MRE11: variants seen among roughly 807,000 people sequenced by gnomAD.
MRE11 encodes double-strand break repair protein MRE11.
In MRE11, 62 loss-of-function variants were observed where a neutral mutation model predicts 91.7. The observed-to-expected ratio is 0.68, with a 90% confidence interval of 0.55 to 0.84. MRE11 has a LOEUF of 0.84. Among genes scored for constraint, MRE11 ranks in the 40% least tolerant of loss-of-function variants. The pLI is 0.00. For missense variants in MRE11, 796 were observed against 852.9 expected, an observed-to-expected ratio of 0.93 and a Z score of 0.83; for synonymous variants, 273 against 271.4, an observed-to-expected ratio of 1.01 and a Z score of -0.06.
intron 12 of MRE11, 114 bp downstream of exon 12, chr11:94,460,822 C>T: frequency 1.1e-6 from 1 of 886,978 alleles, no homozygotes; most frequent in Non-Finnish European, 1.8e-6. Flanking sequence ...CTACTTACTT[C>T]ATAGAAACAT....
intron 10 of MRE11, chr11:94,466,552 C>A: frequency 1.9e-6 from 1 of 519,422 alleles, no homozygotes; most frequent in Non-Finnish European, 3.9e-6. Flanking sequence ...TACGACAAAA[C>A]CCGCAAATAC....
the MRE11 span, among the ~76,000 whole-genome samples, chr11:94,510,624 T>C: frequency 1.3e-5 from 2 of 152,160 alleles, no homozygotes; most frequent in Non-Finnish European, 2.9e-5. Context: ...AGAATAACTT[T>C]TTGGAAATTA....
At chr11:94,494,544 T>C (rs1322328182), upstream of MRE11, among the ~76,000 whole-genome samples, 5 of 152,154 alleles carry the variant, frequency 3.3e-5, no homozygotes, top group African/African-American at 1.2e-4. Flanking sequence ...GGAGTTGACA[T>C]AGTTCGGATC....
intron 4 of MRE11, among the ~76,000 whole-genome samples, chr11:94,484,138 GC>G (rs1565237506): frequency 6.6e-6 from 1 of 152,166 alleles, no homozygotes; most frequent in East Asian, 1.9e-4. Context: ...CTCAAAAGGA[GC>G]CCAATGGCTA....
Position 94,490,970 on chromosome 11 carries a change from A to G in MRE11, c.21-5T>C, listed in dbSNP as rs780030533. 4.3e-6 allele frequency: 6 copies of G among 1,391,872 alleles called. No homozygotes were observed. Among genetic ancestry groups the G allele is most frequent in the Non-Finnish European group, 5.1e-6 (5 of 985,378 alleles). 86.2% of individuals were successfully genotyped at this position (1,391,872 alleles called of 1,614,324 possible). A position where few individuals can be genotyped will look rare whatever the true frequency, so the allele number is the denominator to read the frequency against. On this transcript the variant is annotated splice_polypyrimidine_tract_variant and splice_region_variant and intron_variant, in intron 2 of 19. Coordinates refer to ENST00000323929, the MANE Select transcript of MRE11 (RefSeq NM_005591.4). ...TTAAATGTGTTTTCATCATCACTAT[A>G]TTAAGAAAGAAGAAACATTTCAATA...
the MRE11 span, among the ~76,000 whole-genome samples, chr11:94,511,386 C>A: frequency 1.3e-5 from 2 of 152,122 alleles, no homozygotes; most frequent in Non-Finnish European, 2.9e-5. Context: ...CCAACTAAAC[C>A]TTTTTTCTTT....
rs1003298745 is a variant in MRE11 at position 94,429,906 on chromosome 11, T to C, written c.2070+5A>G. 5.6e-6 allele frequency: 9 copies of C among 1,608,990 alleles called. No individual in the cohort carries two copies. Among genetic ancestry groups the C allele is most frequent in the Non-Finnish European group, 7.6e-6 (9 of 1,176,868 alleles). On this transcript the variant is annotated splice_donor_5th_base_variant and intron_variant, in intron 19 of 19. Coordinates refer to ENST00000323929, the MANE Select transcript of MRE11 (RefSeq NM_005591.4). ...AATTAAAATTTAACAATATTACTTA[T>C]TTACCTCACTTGATTCAAAATCAAC... is the stretch of plus-strand genomic sequence containing the variant.
At chr11:94,430,100 T>A (rs915227798) in intron 18 of MRE11, 114 bp from the exon 19 acceptor site, 1 of 981,174 alleles carries the variant, frequency 1.0e-6, no homozygotes, top group Admixed American at 1.9e-5. Context: ...TAACACACAA[T>A]TCCCTTAAAA....
chr11:94,447,170 C>T (rs1341114747), intron 15 of MRE11, 49 bp downstream of exon 15: 1 of 1,544,444 alleles, frequency 6.5e-7, no homozygotes, highest in African/African-American at 1.4e-5. Context: ...CTGTATTTTC[C>T]ACTCAACTGC....
chr11:94,476,854 G>A (rs1327150122), intron 6 of MRE11, among the ~76,000 whole-genome samples: 1 of 152,070 alleles, frequency 6.6e-6, no homozygotes, highest in East Asian at 1.9e-4. Context: ...CTGAGTTGCT[G>A]GGATTACAGC....
chr11:94,501,758 G>GC, the MRE11 span, among the ~76,000 whole-genome samples: 27,422 of 149,440 alleles, frequency 0.18, 2,860 homozygotes, highest in East Asian at 0.31. Flanking sequence ...GTCACTTTGG[G>GC]CAAAAAAAAA....
chr11:94,447,113 G>A (rs545625006), intron 15 of MRE11, 106 bp downstream of exon 15: 39 of 1,164,244 alleles, frequency 3.3e-5, no homozygotes, highest in East Asian at 3.0e-4. Flanking sequence ...TTAAAGAACC[G>A]TGTTTTAGAA....
At chr11:94,434,653 G>T (rs1187997508) in intron 18 of MRE11, among the ~76,000 whole-genome samples, 1 of 151,986 alleles carries the variant, frequency 6.6e-6, no homozygotes, top group African/African-American at 2.4e-5. Flanking sequence ...TGAAACCTCA[G>T]GTCAATTTTA....
In MRE11 at chr11:94,486,010, G is replaced by C. The variant is rs748605250; in HGVS notation, c.228C>G (p.Leu76=). ...CCATACAATATTTTCTTAATAACTCGAGGCAGGTATGTAATGTTTTCCTTG... is the reference window on the plus strand; with the variant it reads ...CCATACAATATTTTCTTAATAACTCCAGGCAGGTATGTAATGTTTTCCTTG... ...KPSRKTLHTC[L]ELLRKYCMGD... is the part of the protein sequence containing the mutation. The change falls in exon 4 of 20, where the codon CTC becomes CTG. Residue 76 remains leucine, a synonymous_variant. Coordinates refer to ENST00000323929, the MANE Select transcript of MRE11 (RefSeq NM_005591.4). The C allele has an allele frequency of 3.1e-6, 5 of 1,613,738 alleles. No homozygotes were observed. The highest frequency in any genetic ancestry group is 4.2e-6 in the Non-Finnish European group (5 of 1,179,890).
At chr11:94,424,283 G>A (rs1471885027) in intron 19 of MRE11, among the ~76,000 whole-genome samples, 1 of 152,120 alleles carries the variant, frequency 6.6e-6, no homozygotes, top group East Asian at 1.9e-4. Flanking sequence ...TGACACCCAG[G>A]GCAAGAATCT....
chr11:94,461,934 G>A (rs1457592244), intron 11 of MRE11, among the ~76,000 whole-genome samples: 2 of 152,136 alleles, frequency 1.3e-5, no homozygotes, highest in Non-Finnish European at 2.9e-5. Context: ...ATTAGCAGGG[G>A]CGTGGTGACA....
intron 7 of MRE11, among the ~76,000 whole-genome samples, 173 bp from the exon 8 acceptor site, chr11:94,471,932 C>T (rs1446228938): frequency 1.3e-5 from 2 of 151,972 alleles, no homozygotes; most frequent in East Asian, 3.8e-4. Flanking sequence ...AACTCCTGAC[C>T]TTGAGAGCTT....
chr11:94,496,436 T>C (rs1460297302), upstream of MRE11, among the ~76,000 whole-genome samples: 2 of 152,162 alleles, frequency 1.3e-5, no homozygotes, highest in Non-Finnish European at 2.9e-5. Flanking sequence ...TATTAGATCA[T>C]AGTTTGTTGT....
intron 19 of MRE11, among the ~76,000 whole-genome samples, chr11:94,421,977 T>C (rs1466997215): frequency 6.6e-6 from 1 of 152,194 alleles, no homozygotes; most frequent in Non-Finnish European, 1.5e-5. Flanking sequence ...TGAAGATCTG[T>C]TTAATATGGA....
Sources: allele counts gnomAD v4.1 joint callset (sites outside exome capture counted in the v4.1 genomes callset), GRCh38; gene constraint gnomAD v4.1.1; transcripts MANE v1.5; gene names NCBI Gene and HGNC (gene_info 2026-07-23, HGNC 2026-07-21).